Variants in WFDC8 observed in about 807,000 individuals in gnomAD.
WFDC8 encodes WAP four-disulfide core domain protein 8.
WFDC8 carries 24 observed loss-of-function variants against 27.0 expected under a neutral mutation model. The observed-to-expected ratio is 0.89, with a 90% CI of 0.64 to 1.25. The LOEUF (loss-of-function observed/expected upper bound fraction) is 1.25. Ranked by LOEUF, WFDC8 falls within the 50% of genes most tolerant of loss-of-function variation. The pLI, the probability that WFDC8 is intolerant of heterozygous loss-of-function variation, is 0.00. For missense variants in WFDC8, 287 were observed against 295.9 expected (o/e 0.97, Z 0.22); for synonymous variants, 106 against 99.7 (o/e 1.06, Z -0.38).
chr20:45,565,596 GAACAATTC>G (rs1980649667), intron 1 of WFDC8, among the ~76,000 whole-genome samples: 3 of 152,078 alleles, frequency 2.0e-5, no homozygotes, highest in South Asian at 2.1e-4. Flanking sequence ...CCAAACAAAG[GAACAATTC>G]AAGAATGCAT....
At chr20:45,565,002 G>C (rs1277057475) in intron 1 of WFDC8, among the ~76,000 whole-genome samples, 1 of 96,650 alleles carries the variant, frequency 1.0e-5, no homozygotes, top group African/African-American at 3.8e-5. Context: ...GGAAAGGAAA[G>C]GAAGAAAGAA....
chr20:45,567,745 TC>T (rs1980730418), intron 1 of WFDC8, among the ~76,000 whole-genome samples: 1 of 152,228 alleles, frequency 6.6e-6, no homozygotes, highest in East Asian at 1.9e-4. Context: ...GGTTGGTGAC[TC>T]CCATCTGGAA....
At chr20:45,559,649 G>A (rs560257695) in intron 2 of WFDC8, 52 of 152,336 alleles carry the variant, frequency 3.4e-4, no homozygotes, top group African/African-American at 1.3e-3. Flanking sequence ...GTTAAATGGG[G>A]TGATGTCTAT....
At chr20:45,563,244 C>T (rs948182551) in intron 1 of WFDC8, among the ~76,000 whole-genome samples, 1 of 152,194 alleles carries the variant, frequency 6.6e-6, no homozygotes, top group African/African-American at 2.4e-5. Context: ...TTTTGGGCCT[C>T]GCTCAATCCC....
At chr20:45,571,272 C>T (rs957825466) in intron 1 of WFDC8, among the ~76,000 whole-genome samples, 1 of 151,872 alleles carries the variant, frequency 6.6e-6, no homozygotes, top group Non-Finnish European at 1.5e-5. Flanking sequence ...TTCTCATTTC[C>T]TATAATTTAC....
rs752850148 is a variant in WFDC8 at position 45,578,558 on chromosome 20, ATGC to A, written c.26+661_26+663del. On this transcript the variant is annotated intron_variant, in intron 1 of 5. Transcript: ENST00000289953. Reference sequence around the variant, plus strand: ...TCACAGTGCAAAACTCACTATGCATATGCTACATCTGCTCATACTCCAATAGGC... The same window carrying A: ...TCACAGTGCAAAACTCACTATGCATATACATCTGCTCATACTCCAATAGGC... Among the ~76,000 whole-genome samples, 20 of 145,476 alleles carry A rather than the reference ATGC, an allele frequency of 1.4e-4. 1 individual carries two copies. The highest frequency in any genetic ancestry group is 2.0e-4 in the Non-Finnish European group (13 of 64,000).
rs536613536 is a variant in WFDC8, at chr20:45,562,323, A to G, written c.27-104T>C. 1.7e-5 allele frequency: 15 copies of G among 892,684 alleles called. No individual in the cohort carries two copies. The East Asian group carries it at 3.9e-4, about 23-fold the overall frequency. 55.3% of individuals were successfully genotyped at this position (892,684 alleles called of 1,614,324 possible). On this transcript the variant is annotated intron_variant, in intron 1 of 5. Coordinates refer to ENST00000289953, the MANE Select transcript of WFDC8 (RefSeq NM_130896.3). ...ATGATCCACCAGGTCCCTTTAGTTC[A>G]CAGGTAAGAAGACTGACACCAGCAT...
Position 45,551,863 on chromosome 20 carries a change from C to A in WFDC8, c.*163G>T. The A allele has an allele frequency of 2.3e-6, 2 of 866,224 alleles. No individual in the cohort carries two copies. The highest frequency in any genetic ancestry group is 3.3e-6 in the Non-Finnish European group (2 of 598,066). 53.7% of individuals were successfully genotyped at this position (866,224 alleles called of 1,614,324 possible). A position where few individuals can be genotyped will look rare whatever the true frequency, so the allele number is the denominator to read the frequency against. On this transcript the variant is annotated 3_prime_UTR_variant, in exon 6 of 6. Transcript: ENST00000289953. ...GAAGTTGAAAAAAAGCCAAATATAT[C>A]ATCACTTTCAGATGATGGGATTATA...
chr20:45,562,259 CAG>C, intron 1 of WFDC8, 40 bp from the exon 2 acceptor site: 1 of 1,536,738 alleles, frequency 6.5e-7, no homozygotes, highest in Middle Eastern at 1.7e-4. Context: ...AAGCACAATC[CAG>C]AGAGAGACAC....
At chr20:45,554,924 C>T (rs947130208) in intron 4 of WFDC8, among the ~76,000 whole-genome samples, 10 of 152,150 alleles carry the variant, frequency 6.6e-5, no homozygotes, top group South Asian at 2.1e-4. Flanking sequence ...AATCTGAGGT[C>T]GAAATTGCAA....
rs368694195 is a variant in WFDC8 at position 45,575,853 on chromosome 20, C to A, written c.26+3369G>T. 7.9e-5 allele frequency among the ~76,000 whole-genome samples: 12 copies of A among 151,400 alleles called. No individual in the cohort carries two copies. The East Asian group carries it at 1.5e-3, about 19-fold the overall frequency. On this transcript the variant is annotated intron_variant, in intron 1 of 5. Transcript: ENST00000289953. ...TTTCCATGGCTGAGAGCTCCTAGCT[C>A]ACACCCCTCCTCATCCCCATAGCAT...
intron 1 of WFDC8, among the ~76,000 whole-genome samples, chr20:45,566,400 G>A (rs1310060956): frequency 6.6e-6 from 1 of 152,140 alleles, no homozygotes; most frequent in African/African-American, 2.4e-5. Context: ...AGTGGCTCAT[G>A]CCTGTAATCC....
rs375594196 is a variant in WFDC8, at chr20:45,562,007, CA to C, written c.136+102del. The C allele has an allele frequency of 9.9e-4, 1,054 of 1,060,004 alleles. 7 individuals carry two copies. In the African/African-American group the frequency reaches 0.015, roughly 15 times the overall value. The allele number at this position is 1,060,004 out of a possible 1,614,324, so 65.7% of individuals were successfully genotyped here. A position where few individuals can be genotyped will look rare whatever the true frequency, so the allele number is the denominator to read the frequency against. On this transcript the variant is annotated intron_variant, in intron 2 of 5. Transcript: ENST00000289953. Reference sequence around the variant, plus strand: ...GTAGCTTTCTGTGGCCCCAAATCCACAGTAGAGGGGGCCTCATCTGACACTG... The same window carrying C: ...GTAGCTTTCTGTGGCCCCAAATCCACGTAGAGGGGGCCTCATCTGACACTG...
intron 1 of WFDC8, among the ~76,000 whole-genome samples, chr20:45,571,887 C>G (rs984514377): frequency 6.6e-6 from 1 of 152,134 alleles, no homozygotes; most frequent in Non-Finnish European, 1.5e-5. Flanking sequence ...TTGCTGAACA[C>G]TTAGGTTGAT....
In WFDC8 at chr20:45,552,036, G is replaced by T; in HGVS notation, c.716C>A (p.Pro239His). 6.2e-7 allele frequency: 1 copy of T among 1,613,628 alleles called. No individual in the cohort carries two copies. The highest frequency in any genetic ancestry group is 8.5e-7 in the Non-Finnish European group (1 of 1,179,792). Residue 239 changes from proline (P) to histidine (H), a missense_variant, in exon 6 of 6, where the codon CCC becomes CAC. Coordinates refer to ENST00000289953, the MANE Select transcript of WFDC8 (RefSeq NM_130896.3). ...TTTTCTACTTACTATTCAACGTCTGGGGTCCATACATTTCAGTCCACAATG... is the reference window on the plus strand; with the variant it reads ...TTTTCTACTTACTATTCAACGTCTGTGGTCCATACATTTCAGTCCACAATG... ...CSHCGLKCMD[P>H]RR
At chr20:45,565,857 T>C (rs1210763432) in intron 1 of WFDC8, among the ~76,000 whole-genome samples, 1 of 152,224 alleles carries the variant, frequency 6.6e-6, no homozygotes, top group Non-Finnish European at 1.5e-5. Context: ...CTGATTTGGC[T>C]GATGGAGGAC....
chr20:45,558,869 C>T lies in WFDC8; in HGVS notation c.260G>A (p.Cys87Tyr). Residue 87 changes from cysteine (C) to tyrosine (Y), a missense_variant, in exon 3 of 6, where the codon TGC becomes TAC. Coordinates refer to ENST00000289953, the MANE Select transcript of WFDC8 (RefSeq NM_130896.3). ...ATCGCTACCTTGAAAGGGATCCATG[C>T]ACTTCTTCTGACAGGCAAAAAAGCA... is the stretch of plus-strand genomic sequence containing the variant. Reference protein sequence around the residue: ...KCCFFACQKKCMDPFQEPCML... With the variant: ...KCCFFACQKKYMDPFQEPCML... The T allele has an allele frequency of 1.2e-6, 2 of 1,614,164 alleles. No individual in the cohort carries two copies. The highest frequency in any genetic ancestry group is 2.2e-5 in the East Asian group (1 of 44,874).
intron 2 of WFDC8, among the ~76,000 whole-genome samples, chr20:45,561,539 T>A (rs549492634): frequency 6.6e-6 from 1 of 152,230 alleles, no homozygotes; most frequent in East Asian, 1.9e-4. Flanking sequence ...CAGTATCCCA[T>A]CACTCATGGA....
intron 5 of WFDC8, 39 bp from the exon 6 acceptor site, chr20:45,552,204 T>C: frequency 6.2e-7 from 1 of 1,603,958 alleles, no homozygotes; most frequent in Non-Finnish European, 8.5e-7. Flanking sequence ...CTTGAAATAC[T>C]TGGTCATAAT....
Sources: gnomAD v4.1 joint callset for allele counts (sites outside exome capture counted in the v4.1 genomes callset) on GRCh38, gnomAD v4.1.1 for gene constraint, MANE v1.5 for transcripts, NCBI Gene and HGNC (gene_info 2026-07-23, HGNC 2026-07-21) for gene names.